Variants in GALNT13 observed in about 807,000 individuals in gnomAD.
GALNT13 encodes UDP-GalNAc:polypeptide N-acetylgalactosaminyltransferase 13.
A neutral mutation model predicts 64.2 loss-of-function variants in GALNT13; 28 were observed. The observed-to-expected ratio is 0.44, with a 90% CI of 0.32 to 0.60. The LOEUF is 0.60. Among genes scored for constraint, GALNT13 ranks in the 20% least tolerant of loss-of-function variants. GALNT13 has a pLI of 0.05. For synonymous variants in GALNT13, 214 were observed against 224.6 expected (o/e 0.95, Z 0.42); for missense variants, 577 against 669.8 (o/e 0.86, Z 1.53).
intron 3 of GALNT13, among the ~76,000 whole-genome samples, chr2:154,137,399 G>A (rs1241137007): frequency 6.6e-6 from 1 of 151,932 alleles, no homozygotes; most frequent in Non-Finnish European, 1.5e-5. Context: ...GGGAGAAGAC[G>A]CTTAACCTGA....
chr2:154,295,384 G>A (rs547704115), intron 8 of GALNT13, among the ~76,000 whole-genome samples: 4 of 24,916 alleles, frequency 1.6e-4, no homozygotes, highest in East Asian at 4.7e-3. Flanking sequence ...TTATTTTTGC[G>A]ATGGAGTCTC....
At chr2:153,910,175 A>T (rs1688845096) in intron 2 of GALNT13, among the ~76,000 whole-genome samples, 2 of 151,754 alleles carry the variant, frequency 1.3e-5, no homozygotes, top group South Asian at 4.2e-4. Context: ...GGGAGGGTAT[A>T]TGTGCTCAGG....
intron 3 of GALNT13, among the ~76,000 whole-genome samples, chr2:153,988,364 C>G (rs1694944372): frequency 6.6e-6 from 1 of 151,956 alleles, no homozygotes; most frequent in African/African-American, 2.4e-5. Context: ...CACCATTCTA[C>G]TTTCTACTTC....
intron 1 of GALNT13, among the ~76,000 whole-genome samples, chr2:153,882,258 G>A (rs149293833): frequency 6.6e-6 from 1 of 151,970 alleles, no homozygotes; most frequent in Non-Finnish European, 1.5e-5. Flanking sequence ...GCCCCCAAAG[G>A]CCTGAGGCTC....
the GALNT13 span, among the ~76,000 whole-genome samples, chr2:153,213,720 T>C: frequency 2.0e-5 from 3 of 152,214 alleles, no homozygotes; most frequent in Non-Finnish European, 2.9e-5. Context: ...TTTTTAGTTC[T>C]CTGAGCCTCC....
chr2:153,628,607 G>A, the GALNT13 span, among the ~76,000 whole-genome samples: 10 of 152,082 alleles, frequency 6.6e-5, no homozygotes, highest in African/African-American at 1.2e-4. Flanking sequence ...AGATAATCAC[G>A]TGGTTTTTGT....
At chr2:153,639,708 T>G in the GALNT13 span, among the ~76,000 whole-genome samples, 1 of 152,144 alleles carries the variant, frequency 6.6e-6, no homozygotes, top group Non-Finnish European at 1.5e-5. Context: ...ATTCTCCACT[T>G]GTGAGGACTG....
the GALNT13 span, among the ~76,000 whole-genome samples, chr2:153,808,964 C>T: frequency 6.6e-6 from 1 of 152,194 alleles, no homozygotes; most frequent in Admixed American, 6.5e-5. Context: ...AAAAGCACAA[C>T]CACACTGACT....
intron 11 of GALNT13, among the ~76,000 whole-genome samples, chr2:154,422,288 A>G (rs1700288089): frequency 6.6e-6 from 1 of 152,194 alleles, no homozygotes; most frequent in African/African-American, 2.4e-5. Flanking sequence ...ATTCAGCCAA[A>G]TATGAAAAGG....
intron 3 of GALNT13, among the ~76,000 whole-genome samples, chr2:153,988,524 G>A (rs1438813046): frequency 1.3e-5 from 2 of 151,942 alleles, no homozygotes; most frequent in African/African-American, 2.4e-5. Context: ...AGGCTGAATA[G>A]TATTCCATTG....
chr2:153,675,648 A>G, the GALNT13 span, among the ~76,000 whole-genome samples: 1 of 152,146 alleles, frequency 6.6e-6, no homozygotes, highest in South Asian at 2.1e-4. Flanking sequence ...CCTATGTAAC[A>G]TACCTGCACA....
At chr2:153,845,929 A>G in the GALNT13 span, among the ~76,000 whole-genome samples, 2 of 152,180 alleles carry the variant, frequency 1.3e-5, no homozygotes, top group African/African-American at 4.8e-5. Context: ...GAGATGAAAG[A>G]AAAAATAAGA....
chr2:153,280,975 C>T, the GALNT13 span, among the ~76,000 whole-genome samples: 1 of 152,138 alleles, frequency 6.6e-6, no homozygotes, highest in South Asian at 2.1e-4. Flanking sequence ...TGAAGTCCCC[C>T]ACTATTATTG....
At chr2:153,948,454 C>T (rs1691930415) in intron 3 of GALNT13, among the ~76,000 whole-genome samples, 1 of 151,996 alleles carries the variant, frequency 6.6e-6, no homozygotes, top group Admixed American at 6.6e-5. Flanking sequence ...GTGATTGATT[C>T]ATCAGAGACC....
At chr2:153,995,846 C>G (rs1396735372) in intron 3 of GALNT13, among the ~76,000 whole-genome samples, 1 of 152,108 alleles carries the variant, frequency 6.6e-6, no homozygotes, top group Non-Finnish European at 1.5e-5. Context: ...CCTCTTCAGC[C>G]TCTACCTAAA....
At chr2:153,576,103 C>T in the GALNT13 span, among the ~76,000 whole-genome samples, 1 of 152,046 alleles carries the variant, frequency 6.6e-6, no homozygotes, top group African/African-American at 2.4e-5. Context: ...GTGTCTTATC[C>T]TGCTGTGGCT....
chr2:153,659,428 C>A, the GALNT13 span, among the ~76,000 whole-genome samples: 2 of 152,086 alleles, frequency 1.3e-5, no homozygotes, highest in African/African-American at 4.8e-5. Context: ...ATATACTTTA[C>A]CTTCTCTGTA....
the GALNT13 span, among the ~76,000 whole-genome samples, chr2:153,752,477 C>T: frequency 6.6e-6 from 1 of 151,882 alleles, no homozygotes; most frequent in African/African-American, 2.4e-5. Context: ...TTTATTTCTC[C>T]TTCATGTTTT....
chr2:154,171,832 G>A (rs1685364829), intron 4 of GALNT13, among the ~76,000 whole-genome samples: 1 of 152,000 alleles, frequency 6.6e-6, no homozygotes, highest in African/African-American at 2.4e-5. Context: ...TTTGGAAATG[G>A]TGGTAAATTA....
Sources: allele counts gnomAD v4.1 joint callset (sites outside exome capture counted in the v4.1 genomes callset), GRCh38; gene constraint gnomAD v4.1.1; transcripts MANE v1.5; gene names NCBI Gene and HGNC (gene_info 2026-07-23, HGNC 2026-07-21).